The following GPC5 variants were observed in gnomAD, a reference collection of about 807,000 sequenced individuals.
GPC5 encodes glypican-5.
A neutral mutation model predicts 53.9 loss-of-function variants in GPC5; 47 were observed. The ratio of observed to expected loss-of-function variants is 0.87; its 90% CI spans 0.69 to 1.11. The LOEUF is 1.11. Among genes scored for constraint, GPC5 ranks in the 50% most tolerant of loss-of-function variants. The pLI, the probability that GPC5 is intolerant of heterozygous loss-of-function variation, is 0.00. For synonymous variants in GPC5, 286 were observed against 263.3 expected (o/e 1.09, Z -0.84); for missense variants, 748 against 713.1 (o/e 1.05, Z -0.56).
At chr13:92,110,161 G>GA (rs1379463976) in intron 6 of GPC5, among the ~76,000 whole-genome samples, 3 of 152,052 alleles carry the variant, frequency 2.0e-5, no homozygotes, top group African/African-American at 7.2e-5. Context: ...GAAGAATAGG[G>GA]AAAAACACAG....
chr13:91,880,760 T>C (rs1295548109), intron 5 of GPC5, among the ~76,000 whole-genome samples: 1 of 152,126 alleles, frequency 6.6e-6, no homozygotes, highest in African/African-American at 2.4e-5. Context: ...AGAGATATAA[T>C]TATAGTAACA....
At chr13:92,357,663 G>T (rs965669648) in intron 7 of GPC5, among the ~76,000 whole-genome samples, 2 of 151,570 alleles carry the variant, frequency 1.3e-5, no homozygotes, top group Non-Finnish European at 1.5e-5. Flanking sequence ...TAGTTTGGGA[G>T]GTCTAAGGAA....
chr13:92,770,414 C>CAAAAAA, intron 7 of GPC5, among the ~76,000 whole-genome samples: 1 of 76,892 alleles, frequency 1.3e-5, no homozygotes, highest in Non-Finnish European at 2.4e-5. Context: ...GACCCTGTCT[C>CAAAAAA]AAAAAAAAAA....
chr13:92,575,725 G>A (rs1277996255), intron 7 of GPC5, among the ~76,000 whole-genome samples: 1 of 152,034 alleles, frequency 6.6e-6, no homozygotes, highest in Non-Finnish European at 1.5e-5. Context: ...ATCTCATTTT[G>A]TTTCTCTTGA....
At chr13:91,559,584 T>C (rs1267186177) in intron 2 of GPC5, among the ~76,000 whole-genome samples, 1 of 152,194 alleles carries the variant, frequency 6.6e-6, no homozygotes, top group Non-Finnish European at 1.5e-5. Flanking sequence ...AATAGAATCC[T>C]GAATGAACTT....
At chr13:91,935,907 G>A (rs919928712) in intron 6 of GPC5, among the ~76,000 whole-genome samples, 4 of 151,932 alleles carry the variant, frequency 2.6e-5, no homozygotes, top group African/African-American at 9.7e-5. Flanking sequence ...ACTATAAAGT[G>A]ACAAGGGAGT....
chr13:91,526,166 G>A (rs1417548871), intron 2 of GPC5, among the ~76,000 whole-genome samples: 1 of 152,202 alleles, frequency 6.6e-6, no homozygotes, highest in Non-Finnish European at 1.5e-5. Context: ...GAAGAAATTA[G>A]TAGGGACAGA....
chr13:91,808,556 A>G (rs1222895305), intron 5 of GPC5, among the ~76,000 whole-genome samples: 1 of 152,208 alleles, frequency 6.6e-6, no homozygotes, highest in Non-Finnish European at 1.5e-5. Context: ...ATTCAAAGAC[A>G]GAGAAAGCAC....
At chr13:92,747,316 G>T (rs536843965) in intron 7 of GPC5, among the ~76,000 whole-genome samples, 40 of 152,166 alleles carry the variant, frequency 2.6e-4, no homozygotes, top group South Asian at 6.2e-4. Flanking sequence ...TAAGACCAGT[G>T]GTATTCTCTT....
At chr13:91,988,911 T>C (rs1458218961) in intron 6 of GPC5, among the ~76,000 whole-genome samples, 3 of 152,008 alleles carry the variant, frequency 2.0e-5, no homozygotes, top group African/African-American at 7.2e-5. Flanking sequence ...ATGTTTGAAA[T>C]CTGCAGTCAT....
At chr13:91,699,272 T>A (rs981568927) in intron 3 of GPC5, among the ~76,000 whole-genome samples, 1 of 152,074 alleles carries the variant, frequency 6.6e-6, no homozygotes, top group African/African-American at 2.4e-5. Context: ...AATAAAAATG[T>A]TTTGGTGGGG....
intron 2 of GPC5, among the ~76,000 whole-genome samples, chr13:91,597,946 G>A (rs572207692): frequency 1.1e-4 from 17 of 151,722 alleles, no homozygotes; most frequent in Middle Eastern, 3.4e-3. Context: ...CAGAAAAAGC[G>A]GATGCTCAAT....
At position 92,836,836 on chromosome 13, in the gene GPC5, TA is replaced by T. The variant is rs1170765103; in HGVS notation, c.1562-29445del. Among the ~76,000 whole-genome samples, 31 of 152,168 alleles carry T rather than the reference TA, an allele frequency of 2.0e-4. No homozygotes were observed. In the East Asian group the frequency reaches 5.2e-3, roughly 26 times the overall value. On this transcript the variant is annotated intron_variant, in intron 7 of 7. Coordinates refer to ENST00000377067, the MANE Select transcript of GPC5 (RefSeq NM_004466.6). The stretch of plus-strand genomic sequence containing the variant: ...AGAAAATGGAAATTATAATGAAAAC[TA>T]CTGTTATTCCAAATCTCTTTTGGAA...
intron 4 of GPC5, among the ~76,000 whole-genome samples, chr13:91,745,955 A>G (rs116800272): frequency 7.2e-5 from 11 of 152,276 alleles, no homozygotes; most frequent in African/African-American, 2.4e-4. Context: ...TTTCTATTCT[A>G]TTAGAATGAA....
chr13:92,760,028 CAT>C (rs1408798640), intron 7 of GPC5, among the ~76,000 whole-genome samples: 3 of 152,056 alleles, frequency 2.0e-5, no homozygotes, highest in African/African-American at 7.2e-5. Context: ...CTGATTTGCA[CAT>C]GTTAAATCTG....
At chr13:92,656,562 C>A (rs1192849394) in intron 7 of GPC5, among the ~76,000 whole-genome samples, 1 of 152,184 alleles carries the variant, frequency 6.6e-6, no homozygotes, top group African/African-American at 2.4e-5. Flanking sequence ...CTGTTATTTA[C>A]ATTCAAGTTA....
At chr13:91,478,083 C>T (rs1323495019) in intron 2 of GPC5, among the ~76,000 whole-genome samples, 9 of 150,496 alleles carry the variant, frequency 6.0e-5, no homozygotes, top group Non-Finnish European at 1.3e-4. Flanking sequence ...TTCAGAGAAC[C>T]TTTCATATGA....
chr13:91,436,731 C>A (rs1199962450), intron 1 of GPC5, among the ~76,000 whole-genome samples: 1 of 152,134 alleles, frequency 6.6e-6, no homozygotes, highest in East Asian at 1.9e-4. Context: ...AGTTCAGTTC[C>A]TGGATATCCT....
chr13:91,524,640 C>A (rs891259719), intron 2 of GPC5, among the ~76,000 whole-genome samples: 2 of 152,008 alleles, frequency 1.3e-5, no homozygotes, highest in Non-Finnish European at 2.9e-5. Flanking sequence ...TGGGCCAGAC[C>A]AGAAATTAGT....
Sources: gnomAD v4.1 joint callset for allele counts (sites outside exome capture counted in the v4.1 genomes callset) on GRCh38, gnomAD v4.1.1 for gene constraint, MANE v1.5 for transcripts, NCBI Gene and HGNC (gene_info 2026-07-23, HGNC 2026-07-21) for gene names.